YY1AP1: variants seen among roughly 807,000 people sequenced by gnomAD.
The protein encoded by YY1AP1 is YY1 associated protein 1.
A neutral mutation model predicts 39.9 loss-of-function variants in YY1AP1; 43 were observed. The ratio of observed to expected loss-of-function variants is 1.08; its 90% confidence interval spans 0.84 to 1.39. The LOEUF (loss-of-function observed/expected upper bound fraction) is 1.39. Ranked by LOEUF, YY1AP1 falls within the 40% of genes most tolerant of loss-of-function variation. The pLI is 0.00. For missense variants in YY1AP1, 813 were observed against 900.7 expected, an observed-to-expected ratio of 0.90 and a Z score of 1.25; for synonymous variants, 292 against 331.3, an observed-to-expected ratio of 0.88 and a Z score of 1.29.
At chr1:155,686,184 C>T (rs1269257257) in intron 2 of YY1AP1, among the ~76,000 whole-genome samples, 4 of 151,474 alleles carry the variant, frequency 2.6e-5, no homozygotes, top group African/African-American at 7.3e-5. Context: ...TACAGGCGCC[C>T]GCCACCACGC....
intron 3 of YY1AP1, chr1:155,680,044 G>A: frequency 4.2e-6 from 1 of 239,488 alleles, no homozygotes. Flanking sequence ...GGGCCTGTAG[G>A]TGTGTGCCTG....
chr1:155,670,250 T>C (rs1649652937), intron 8 of YY1AP1, 70 bp downstream of exon 8: 1 of 1,599,214 alleles, frequency 6.3e-7, no homozygotes, highest in Non-Finnish European at 8.6e-7. Flanking sequence ...CAAGTCTTAC[T>C]TCCCCTAAAC....
At chr1:155,673,779 C>T (rs1368028890) in intron 6 of YY1AP1, among the ~76,000 whole-genome samples, 1 of 151,742 alleles carries the variant, frequency 6.6e-6, no homozygotes, top group Admixed American at 6.6e-5. Context: ...TCTCAAACTC[C>T]TGGGCTCAAG....
chr1:155,667,868 G>T (rs1649246879), intron 9 of YY1AP1, among the ~76,000 whole-genome samples: 1 of 151,624 alleles, frequency 6.6e-6, no homozygotes, highest in Non-Finnish European at 1.5e-5. Flanking sequence ...AAGTATATAG[G>T]CTGGGCCTGG....
rs1431105959 is a variant in YY1AP1 at position 155,660,748 on chromosome 1, C to T, written c.1162G>A (p.Val388Ile). Reference protein sequence around the residue: ...TRYPLLLPKGVVLKLKPVADR... With the variant: ...TRYPLLLPKGIVLKLKPVADR... ...GCAACTGGCTTCAGTTTCAGGACTA[C>T]ACCCTTAGGCAATAGCAGTGGGTAC... is the stretch of plus-strand genomic sequence containing the variant. Residue 388 changes from valine to isoleucine, a missense_variant, in exon 11 of 11, where the codon GTA (valine) becomes ATA (isoleucine). Physicochemically the swap from Val to Ile is conservative, Grantham distance 29 (BLOSUM62 3). Around this residue, in one of 3 missense-constraint regions of YY1AP1, gnomAD observed 586 missense variants for 647.4 expected, o/e 0.91. Coordinates refer to ENST00000355499, the MANE Select transcript of YY1AP1 (RefSeq NM_139119.3). 6.2e-7 allele frequency: 1 copy of T among 1,614,210 alleles called. No homozygotes were observed. The highest frequency in any genetic ancestry group is 2.2e-5 in the East Asian group (1 of 44,888).
At chr1:155,665,747 A>C (rs1648896389) in intron 9 of YY1AP1, among the ~76,000 whole-genome samples, 1 of 144,482 alleles carries the variant, frequency 6.9e-6, no homozygotes, top group Non-Finnish European at 1.5e-5. Context: ...CAGTGAGCCG[A>C]GATCCAGCCT....
chr1:155,680,547 AG>A, intron 2 of YY1AP1, 91 bp from the exon 3 acceptor site: 1 of 1,162,328 alleles, frequency 8.6e-7, no homozygotes, highest in Non-Finnish European at 1.3e-6. Flanking sequence ...GTTTTCAACA[AG>A]GCATCTGACG....
At chr1:155,687,110 AAG>A (rs1652538396) in intron 2 of YY1AP1, among the ~76,000 whole-genome samples, 1 of 152,250 alleles carries the variant, frequency 6.6e-6, no homozygotes, top group African/African-American at 2.4e-5. Flanking sequence ...AAGAAACTGA[AAG>A]AGCTTTCTTA....
chr1:155,687,125 G>A (rs942984338), intron 2 of YY1AP1, among the ~76,000 whole-genome samples: 17 of 152,186 alleles, frequency 1.1e-4, no homozygotes, highest in African/African-American at 3.6e-4. Context: ...CTTTCTTATT[G>A]TATTGTAAAC....
intron 9 of YY1AP1, among the ~76,000 whole-genome samples, chr1:155,662,792 G>A (rs1286146954): frequency 3.0e-4 from 45 of 151,694 alleles, no homozygotes; most frequent in Admixed American, 2.9e-3. Flanking sequence ...CTGGAGGTCA[G>A]GAGTTCATGA....
Position 155,676,723 on chromosome 1 carries a change from A to G in YY1AP1, c.149T>C (p.Leu50Pro). The change falls in exon 5 of 11, where the codon CTA becomes CCA. Residue 50 changes from leucine to proline, a missense_variant. Leu to Pro is a moderately conservative substitution (Grantham distance 98). This residue lies in a region of YY1AP1 where 196 missense variants were observed against 189.7 expected (regional missense o/e 1.03). Coordinates refer to ENST00000355499, the MANE Select transcript of YY1AP1 (RefSeq NM_139119.3). Reference sequence around the variant, plus strand: ...CGCTATCTGATGTTGTTCATTTAGTAGGTTGGCCAGTAGTTCCTCAAACCT... The same window carrying G: ...CGCTATCTGATGTTGTTCATTTAGTGGGTTGGCCAGTAGTTCCTCAAACCT... ...ALRFEELLAN[L>P]LNEQHQIAKE... The G allele has an allele frequency of 1.2e-6, 2 of 1,614,110 alleles. No individual in the cohort carries two copies. Among genetic ancestry groups the G allele is most frequent in the Non-Finnish European group, 1.7e-6 (2 of 1,180,004 alleles).
chr1:155,672,705 G>A lies in YY1AP1; in HGVS notation c.438C>T (p.Ser146=), dbSNP rs1650048951. Residue 146 remains serine, a synonymous_variant, in exon 7 of 11, where the codon AGC becomes AGT. Coordinates refer to ENST00000355499, the MANE Select transcript of YY1AP1 (RefSeq NM_139119.3). ...TGTACTGATGGTGAAGGGCGATGGA[G>A]CTTTGAGCAAAGGTTCCCAGCTCTT... ...CLKELGTFAQ[S]SIALHHQYNP... 4 of 1,614,068 alleles carry A rather than the reference G, an allele frequency of 2.5e-6. No homozygotes were observed. Among genetic ancestry groups the A allele is most frequent in the Non-Finnish European group, 3.4e-6 (4 of 1,180,052 alleles).
rs558028428 is a variant in YY1AP1 at position 155,671,936 on chromosome 1, T to G, written c.583+624A>C. Among the ~76,000 whole-genome samples, 46 of 152,300 alleles carry G rather than the reference T, an allele frequency of 3.0e-4. No individual in the cohort carries two copies. The Middle Eastern group carries it at 0.014, about 45-fold the overall frequency. ...AAATCCAGAACAAACCACAACTAATTTGCTAAGTCAGCAAACAAATCAGAA... is the reference window on the plus strand; with the variant it reads ...AAATCCAGAACAAACCACAACTAATGTGCTAAGTCAGCAAACAAATCAGAA... On this transcript the variant is annotated intron_variant, in intron 7 of 10. Coordinates refer to ENST00000355499, the MANE Select transcript of YY1AP1 (RefSeq NM_139119.3).
intron 2 of YY1AP1, among the ~76,000 whole-genome samples, chr1:155,684,496 T>C (rs1651948024): frequency 6.6e-6 from 1 of 152,134 alleles, no homozygotes; most frequent in Non-Finnish European, 1.5e-5. Flanking sequence ...ATCAGACAAT[T>C]TTTCCTAAAA....
intron 9 of YY1AP1, among the ~76,000 whole-genome samples, chr1:155,665,218 G>C (rs956737588): frequency 6.6e-6 from 1 of 151,886 alleles, no homozygotes; most frequent in African/African-American, 2.4e-5. Flanking sequence ...AGGAGTCTGA[G>C]ACCAGCCTGG....
chr1:155,669,514 A>G (rs565819076), intron 8 of YY1AP1, among the ~76,000 whole-genome samples: 2 of 152,242 alleles, frequency 1.3e-5, no homozygotes, highest in South Asian at 4.1e-4. Context: ...ATGTCAGATC[A>G]TGATGAGCTG....
rs1647772001 is a variant in YY1AP1, at chr1:155,659,899, C to T, written c.2011G>A (p.Val671Ile). Reference sequence around the variant, plus strand: ...GGGCTATGTTCCACTTTGGGGAAAACAGTAGCAGAGAGAGGAGATAGTTCC... The same window carrying T: ...GGGCTATGTTCCACTTTGGGGAAAATAGTAGCAGAGAGAGGAGATAGTTCC... ...PQELSPLSATVFPKVEHSPGP... is the reference protein window; with the variant it reads ...PQELSPLSATIFPKVEHSPGP... Residue 671 changes from valine (V) to isoleucine (I), a missense_variant, in exon 11 of 11, where the codon GTT becomes ATT. Physicochemically the swap from Val to Ile is conservative, Grantham distance 29. Transcript: ENST00000355499. 1.9e-6 allele frequency: 3 copies of T among 1,614,244 alleles called. No individual in the cohort carries two copies. Among genetic ancestry groups the T allele is most frequent in the Non-Finnish European group, 2.5e-6 (3 of 1,180,038 alleles).
intron 2 of YY1AP1, among the ~76,000 whole-genome samples, chr1:155,686,355 C>G (rs928122260): frequency 6.6e-6 from 1 of 151,970 alleles, no homozygotes; most frequent in African/African-American, 2.4e-5. Flanking sequence ...CGCGCCCTGC[C>G]GAAATCAGTC....
rs1278358196 is a variant in YY1AP1 at position 155,675,018 on chromosome 1, T to C, written c.403A>G (p.Ile135Val). 18 of 1,613,334 alleles carry C rather than the reference T, an allele frequency of 1.1e-5. No individual in the cohort carries two copies. Among genetic ancestry groups the C allele is most frequent in the Non-Finnish European group, 1.5e-5 (18 of 1,179,544 alleles). Reference sequence around the variant, plus strand: ...GCAATTTGGAAACTTACAAGACATATCCTGGTGCTACTGGCCTCCGGATTG... The same window carrying C: ...GCAATTTGGAAACTTACAAGACATACCCTGGTGCTACTGGCCTCCGGATTG... ...NLNPEASSTR[I>V]CLKELGTFAQ... The change falls in exon 6 of 11, where the codon ATA becomes GTA. Residue 135 changes from isoleucine to valine, a missense_variant. Ile to Val is a conservative substitution (Grantham distance 29, BLOSUM62 3). This residue lies in a region of YY1AP1 where 196 missense variants were observed against 189.7 expected (regional missense o/e 1.03). Transcript: ENST00000355499.
Sources: allele counts gnomAD v4.1 joint callset (sites outside exome capture counted in the v4.1 genomes callset), GRCh38; gene constraint gnomAD v4.1.1; regional missense constraint gnomAD v4.1.1; transcripts MANE v1.5; gene names NCBI Gene and HGNC (gene_info 2026-07-23, HGNC 2026-07-21).